CACNA2D1: variants seen among roughly 807,000 people sequenced by gnomAD.
CACNA2D1 encodes calcium voltage-gated channel auxiliary subunit alpha2delta 1.
CACNA2D1 carries 53 observed loss-of-function variants against 171.5 expected under a neutral mutation model. The ratio of observed to expected loss-of-function variants is 0.31; its 90% CI spans 0.25 to 0.39. The LOEUF (loss-of-function observed/expected upper bound fraction) is 0.39, where lower values mean the gene tolerates loss of function less well. CACNA2D1 is among the 10% of genes least tolerant of loss of function. The pLI, the probability that CACNA2D1 is intolerant of heterozygous loss-of-function variation, is 1.00. For missense variants in CACNA2D1, 903 were observed against 1,299.8 expected (o/e 0.69, Z 4.69); for synonymous variants, 442 against 443.1 (o/e 1.00, Z 0.03).
At chr7:82,243,263 T>C (rs2129298907) in intron 3 of CACNA2D1, among the ~76,000 whole-genome samples, 1 of 152,274 alleles carries the variant, frequency 6.6e-6, no homozygotes, top group African/African-American at 2.4e-5. Flanking sequence ...TATCCCACCC[T>C]TCAGAGGCAC....
At chr7:81,999,944 T>A (rs1798417500) in intron 18 of CACNA2D1, among the ~76,000 whole-genome samples, 1 of 152,192 alleles carries the variant, frequency 6.6e-6, no homozygotes, top group Non-Finnish European at 1.5e-5. Flanking sequence ...CTCTGCACTT[T>A]AGACCTCCAT....
intron 6 of CACNA2D1, among the ~76,000 whole-genome samples, chr7:82,111,296 A>ATG (rs1788349757): frequency 1.6e-5 from 1 of 61,506 alleles, no homozygotes; most frequent in Non-Finnish European, 2.9e-5. Flanking sequence ...GTCTGGGTAT[A>ATG]TATATATATA....
At chr7:82,310,166 AT>A (rs1393036655) in intron 3 of CACNA2D1, among the ~76,000 whole-genome samples, 1 of 152,038 alleles carries the variant, frequency 6.6e-6, no homozygotes, top group Non-Finnish European at 1.5e-5. Flanking sequence ...AAACACTGAT[AT>A]GAAACAGTTC....
chr7:81,995,646 A>C (rs983715568), intron 19 of CACNA2D1, among the ~76,000 whole-genome samples: 6 of 152,192 alleles, frequency 3.9e-5, no homozygotes, highest in African/African-American at 1.4e-4. Flanking sequence ...TACAAATGCA[A>C]AAATTAGCCA....
chr7:82,269,327 A>T (rs1003440397), intron 3 of CACNA2D1, among the ~76,000 whole-genome samples: 1 of 152,168 alleles, frequency 6.6e-6, no homozygotes, highest in Non-Finnish European at 1.5e-5. Context: ...CAAGCCATAG[A>T]ATTCAAATCC....
chr7:82,313,068 C>T (rs527970460), intron 3 of CACNA2D1, among the ~76,000 whole-genome samples: 2 of 152,098 alleles, frequency 1.3e-5, no homozygotes, highest in Non-Finnish European at 2.9e-5. Context: ...TAAGAAATAA[C>T]TGTTTAATTG....
intron 3 of CACNA2D1, among the ~76,000 whole-genome samples, chr7:82,220,048 C>A (rs1029948412): frequency 2.6e-5 from 4 of 152,038 alleles, no homozygotes; most frequent in Non-Finnish European, 5.9e-5. Flanking sequence ...CAGCAGAAGT[C>A]ACAGGCATTA....
chr7:82,301,431 G>C (rs1219334448), intron 3 of CACNA2D1, among the ~76,000 whole-genome samples: 1 of 151,870 alleles, frequency 6.6e-6, no homozygotes, highest in South Asian at 2.1e-4. Context: ...AGCCAGGTTT[G>C]CTATCTTAAG....
At chr7:82,373,545 C>T (rs911407238) in intron 1 of CACNA2D1, among the ~76,000 whole-genome samples, 1 of 152,150 alleles carries the variant, frequency 6.6e-6, no homozygotes, top group Non-Finnish European at 1.5e-5. Flanking sequence ...TATTAAAACA[C>T]ATCGTACTGC....
At chr7:82,198,872 A>C (rs1799120010) in intron 3 of CACNA2D1, among the ~76,000 whole-genome samples, 1 of 152,124 alleles carries the variant, frequency 6.6e-6, no homozygotes, top group South Asian at 2.1e-4. Context: ...ATTACCCATA[A>C]GTATATACAC....
intron 3 of CACNA2D1, among the ~76,000 whole-genome samples, chr7:82,171,768 T>A (rs2129149981): frequency 6.6e-6 from 1 of 152,206 alleles, no homozygotes; most frequent in East Asian, 1.9e-4. Flanking sequence ...AACAGAAAAG[T>A]AAATATAATA....
intron 18 of CACNA2D1, among the ~76,000 whole-genome samples, chr7:82,005,044 A>C (rs1300355360): frequency 6.6e-6 from 1 of 152,148 alleles, no homozygotes. Context: ...GAAGGGCAAT[A>C]GAAAATGTGG....
In CACNA2D1 at chr7:82,272,793, C is replaced by CA. The variant is rs1001808857; in HGVS notation, c.294+62341dup. ...ATAAATAACATTGTTTTCTTCATTT[C>CA]AAAAAAAATGTGCACAGTGAAAATT... On this transcript the variant is annotated intron_variant, in intron 3 of 38. Coordinates refer to ENST00000356860, the MANE Select transcript of CACNA2D1 (RefSeq NM_000722.4). Among the ~76,000 whole-genome samples the CA allele has an allele frequency of 1.8e-4, 27 of 151,772 alleles. No homozygotes were observed. In the East Asian group the frequency reaches 4.4e-3, roughly 25 times the overall value.
At chr7:82,034,333 A>G (rs1803048765) in intron 11 of CACNA2D1, among the ~76,000 whole-genome samples, 1 of 152,012 alleles carries the variant, frequency 6.6e-6, no homozygotes, top group African/African-American at 2.4e-5. Flanking sequence ...TATTTTTTCA[A>G]AGAAGATAAA....
chr7:82,079,218 A>G (rs1387222049), intron 7 of CACNA2D1, among the ~76,000 whole-genome samples: 2 of 152,228 alleles, frequency 1.3e-5, no homozygotes, highest in African/African-American at 2.4e-5. Context: ...TGCTCCAAAC[A>G]GATTTAATGC....
intron 10 of CACNA2D1, among the ~76,000 whole-genome samples, chr7:82,047,059 C>T (rs902019567): frequency 1.3e-5 from 2 of 151,892 alleles, no homozygotes; most frequent in South Asian, 2.1e-4. Flanking sequence ...ATTTAGGATC[C>T]CCCTGCATCT....
chr7:82,062,814 C>G (rs187696827), intron 9 of CACNA2D1, among the ~76,000 whole-genome samples: 5 of 137,884 alleles, frequency 3.6e-5, no homozygotes, highest in African/African-American at 1.1e-4. Context: ...GAACACAACT[C>G]ACTGTAGCCC....
chr7:82,364,120 G>A (rs532188244), intron 1 of CACNA2D1, among the ~76,000 whole-genome samples: 33 of 152,270 alleles, frequency 2.2e-4, no homozygotes, highest in African/African-American at 7.7e-4. Context: ...CTACTCAGGA[G>A]GCTGAGACAC....
chr7:82,175,085 TGTAA>T (rs1796421679), intron 3 of CACNA2D1, among the ~76,000 whole-genome samples: 1 of 151,974 alleles, frequency 6.6e-6, no homozygotes, highest in African/African-American at 2.4e-5. Flanking sequence ...TTTCCAAACA[TGTAA>T]GTAACTTGCT....
Sources: allele counts gnomAD v4.1 joint callset (sites outside exome capture counted in the v4.1 genomes callset), GRCh38; gene constraint gnomAD v4.1.1; transcripts MANE v1.5; gene names NCBI Gene and HGNC (gene_info 2026-07-23, HGNC 2026-07-21).